Variants in ANKRD36C observed in about 807,000 individuals in gnomAD.
ANKRD36C encodes ankyrin repeat domain 36C.
A neutral mutation model predicts 276.4 loss-of-function variants in ANKRD36C; 61 were observed. The ratio of observed to expected loss-of-function variants is 0.22; its 90% confidence interval spans 0.18 to 0.27. The LOEUF (loss-of-function observed/expected upper bound fraction) is 0.27. Ranked by LOEUF, ANKRD36C falls within the 10% of genes least tolerant of loss-of-function variation. The pLI is 1.00. For synonymous variants in ANKRD36C, 483 were observed against 680.1 expected, an observed-to-expected ratio of 0.71 and a Z score of 4.51; for missense variants, 1,447 against 2,032.3, an observed-to-expected ratio of 0.71 and a Z score of 5.54.
intron 1 of ANKRD36C, among the ~76,000 whole-genome samples, chr2:95,987,637 C>T (rs1177403456): frequency 1.0e-4 from 10 of 99,418 alleles, no homozygotes; most frequent in Admixed American, 3.2e-4. Context: ...TTTTTTGAGA[C>T]GGAGTCTCGC....
intron 42 of ANKRD36C, 130 bp downstream of exon 44, chr2:95,912,114 T>A: frequency 7.5e-7 from 1 of 1,330,082 alleles, no homozygotes. Flanking sequence ...CAAGAACTTA[T>A]TAGAAATGAA....
At chr2:95,858,043 CTGG>C (rs1675462333) in intron 61 of ANKRD36C, among the ~76,000 whole-genome samples, 1 of 151,980 alleles carries the variant, frequency 6.6e-6, no homozygotes, top group African/African-American at 2.4e-5. Flanking sequence ...TACCTACAGC[CTGG>C]AAGCCCCAGC....
chr2:95,903,238 A>T (rs924763441), intron 42 of ANKRD36C, among the ~76,000 whole-genome samples, 157 bp from the exon 53 acceptor site: 2 of 150,658 alleles, frequency 1.3e-5, no homozygotes, highest in Non-Finnish European at 3.0e-5. Flanking sequence ...ACATGACGGA[A>T]ATATGCTGAG....
chr2:95,933,600 G>A (rs1215399658), intron 24 of ANKRD36C, among the ~76,000 whole-genome samples: 1 of 152,134 alleles, frequency 6.6e-6, no homozygotes, highest in Non-Finnish European at 1.5e-5. Flanking sequence ...GTATAGGAAT[G>A]CTTGTGATTT....
At chr2:95,858,116 T>C (rs1675465042) in intron 61 of ANKRD36C, among the ~76,000 whole-genome samples, 1 of 151,856 alleles carries the variant, frequency 6.6e-6, no homozygotes, top group Admixed American at 6.6e-5. Flanking sequence ...ATTTGATTGC[T>C]GTCTCATGCT....
intron 35 of ANKRD36C, 40 bp downstream of exon 37, chr2:95,917,974 T>A: frequency 6.3e-7 from 1 of 1,598,812 alleles, no homozygotes; most frequent in Non-Finnish European, 8.5e-7. Context: ...ATCAATGAAG[T>A]ATGTGTCATA....
chr2:95,875,257 A>C (rs1675916468), intron 59 of ANKRD36C, among the ~76,000 whole-genome samples: 1 of 152,086 alleles, frequency 6.6e-6, no homozygotes, highest in South Asian at 2.1e-4. Flanking sequence ...ACTATTCACA[A>C]TAGCAAAGAC....
intron 44 of ANKRD36C, 51 bp from the exon 63 acceptor site, chr2:95,893,775 T>C: frequency 1.2e-6 from 2 of 1,602,394 alleles, no homozygotes; most frequent in South Asian, 1.1e-5. Flanking sequence ...ATGACAAAGA[T>C]ATCCATAGAT....
intron 12 of ANKRD36C, among the ~76,000 whole-genome samples, chr2:95,957,246 G>T (rs567342448): frequency 6.6e-6 from 1 of 152,310 alleles, no homozygotes; most frequent in Non-Finnish European, 1.5e-5. Context: ...CCCAGAAGGT[G>T]AAAGTTGAAG....
chr2:95,912,223 A>T, intron 42 of ANKRD36C, 21 bp downstream of exon 44: 2 of 1,544,012 alleles, frequency 1.3e-6, no homozygotes, highest in South Asian at 2.4e-5. Flanking sequence ...ACATGACATT[A>T]AATGTGTTTT....
At chr2:95,927,276 T>G (rs1188257583) in exon 28 of ANKRD36C, 3 of 1,610,102 alleles carry the variant, frequency 1.9e-6, no homozygotes, top group East Asian at 2.2e-5. Context: ...ATCTTTCTCA[T>G]CACTTGTAGC....
chr2:95,918,257 C>T (rs13025764), intron 34 of ANKRD36C, among the ~76,000 whole-genome samples: 2,535 of 151,634 alleles, frequency 0.017, 31 homozygotes, highest in Non-Finnish European at 0.026. Context: ...ATTTCAAACA[C>T]GGTATGATTC....
intron 3 of ANKRD36C, among the ~76,000 whole-genome samples, chr2:95,983,250 A>G (rs113446560): frequency 1.3e-5 from 2 of 151,888 alleles, no homozygotes; most frequent in East Asian, 3.9e-4. Context: ...GGCTTCGAGT[A>G]AACTTTCACT....
intron 13 of ANKRD36C, among the ~76,000 whole-genome samples, chr2:95,956,562 C>T (rs1678331952): frequency 6.6e-6 from 1 of 152,234 alleles, no homozygotes; most frequent in African/African-American, 2.4e-5. Context: ...ACTGTGGAAT[C>T]ATGAGCCAAT....
At chr2:95,867,256 T>G (rs186513747) in intron 60 of ANKRD36C, among the ~76,000 whole-genome samples, 184 bp downstream of exon 80, 6 of 152,252 alleles carry the variant, frequency 3.9e-5, no homozygotes, top group Non-Finnish European at 2.9e-5. Context: ...TACAGTGAAA[T>G]GATCATAGCC....
At chr2:95,870,115 C>A (rs941831907) in intron 59 of ANKRD36C, among the ~76,000 whole-genome samples, 14 of 152,246 alleles carry the variant, frequency 9.2e-5, no homozygotes, top group African/African-American at 3.4e-4. Context: ...CAGCAGTAAC[C>A]TCTGCAGACT....
At chr2:95,885,198 T>C (rs1405706874) in intron 52 of ANKRD36C, among the ~76,000 whole-genome samples, 1 of 151,630 alleles carries the variant, frequency 6.6e-6, no homozygotes, top group Non-Finnish European at 1.5e-5. Flanking sequence ...GAATTCCACA[T>C]ACTTTTTGTT....
chr2:95,912,241 T>C lies in ANKRD36C; in HGVS notation c.2653+3A>G, dbSNP rs773798561. On this transcript the variant is annotated splice_donor_region_variant and intron_variant, in intron 42 of 66. Transcript: ENST00000456556. ...TGACATTAAATGTGTTTTGCAAAAT[T>C]ACCTGTCCTAGATGTTTCTCCATCC... 1 of 1,546,848 alleles carries C rather than the reference T, an allele frequency of 6.5e-7. No homozygotes were observed. The highest frequency in any genetic ancestry group is 8.7e-7 in the Non-Finnish European group (1 of 1,146,250).
chr2:95,878,543 A>G (rs1004645835), intron 58 of ANKRD36C, among the ~76,000 whole-genome samples: 2 of 152,218 alleles, frequency 1.3e-5, no homozygotes, highest in Admixed American at 6.5e-5. Flanking sequence ...CACCACAAAT[A>G]AAGAGGAAAG....
Sources: allele counts gnomAD v4.1 joint callset (sites outside exome capture counted in the v4.1 genomes callset), GRCh38; gene constraint gnomAD v4.1.1; transcripts MANE v1.5; gene names NCBI Gene and HGNC (gene_info 2026-07-23, HGNC 2026-07-21).